The following NRXN1 variants were observed in gnomAD, a reference collection of about 807,000 sequenced individuals.
NRXN1 encodes the protein neurexin-1.
Under a neutral mutation model 150.9 loss-of-function variants are expected in NRXN1, and 39 were observed. The ratio of observed to expected loss-of-function variants is 0.26; its 90% CI spans 0.20 to 0.34. The LOEUF (loss-of-function observed/expected upper bound fraction) is 0.34, where lower values mean the gene tolerates loss of function less well. Ranked by LOEUF, NRXN1 falls within the 10% of genes least tolerant of loss-of-function variation. NRXN1 has a pLI of 1.00. For synonymous variants in NRXN1, 924 were observed against 757.0 expected, an observed-to-expected ratio of 1.22 and a Z score of -3.62; for missense variants, 1,815 against 1,949.9, an observed-to-expected ratio of 0.93 and a Z score of 1.30.
chr2:50,313,041 A>T (rs902926500), intron 17 of NRXN1, among the ~76,000 whole-genome samples: 3 of 152,120 alleles, frequency 2.0e-5, no homozygotes, highest in African/African-American at 7.2e-5. Flanking sequence ...TAACAACATT[A>T]TATATGGGTA....
chr2:50,492,134 G>A (rs1188302454), intron 15 of NRXN1, among the ~76,000 whole-genome samples: 1 of 152,094 alleles, frequency 6.6e-6, no homozygotes, highest in Non-Finnish European at 1.5e-5. Flanking sequence ...AAGAAGGCAG[G>A]GCTCAGAAGT....
At chr2:50,556,150 C>G (rs1668224764) in intron 8 of NRXN1, among the ~76,000 whole-genome samples, 1 of 152,144 alleles carries the variant, frequency 6.6e-6, no homozygotes, top group Admixed American at 6.5e-5. Flanking sequence ...CAGATTTACA[C>G]TACTATTTCA....
intron 8 of NRXN1, among the ~76,000 whole-genome samples, chr2:50,558,275 T>C (rs1312604948): frequency 5.9e-5 from 9 of 152,216 alleles, no homozygotes; most frequent in Non-Finnish European, 1.2e-4. Flanking sequence ...CTGCATGTCT[T>C]TCTTCATGAT....
At chr2:50,883,130 C>T (rs376762728) in intron 5 of NRXN1, among the ~76,000 whole-genome samples, 124 of 151,952 alleles carry the variant, frequency 8.2e-4, no homozygotes, top group African/African-American at 2.9e-3. Context: ...ACTGCTCTCT[C>T]TGAAAGTCTT....
intron 19 of NRXN1, among the ~76,000 whole-genome samples, chr2:50,059,218 G>A (rs1694107317): frequency 6.6e-6 from 1 of 152,116 alleles, no homozygotes; most frequent in South Asian, 2.1e-4. Context: ...CTGGAGCAAA[G>A]GAAATTATTG....
intron 17 of NRXN1, among the ~76,000 whole-genome samples, chr2:50,418,384 A>C (rs10204268): frequency 0.12 from 18,935 of 151,970 alleles, 1,661 homozygotes; most frequent in East Asian, 0.38. Context: ...CTCCCCCAAC[A>C]CACACAGCTG....
intron 5 of NRXN1, among the ~76,000 whole-genome samples, chr2:50,896,482 A>G (rs1440650408): frequency 6.6e-6 from 1 of 152,188 alleles, no homozygotes; most frequent in Non-Finnish European, 1.5e-5. Flanking sequence ...ATGGTTTTCT[A>G]AAAAATAAAC....
At chr2:49,993,220 A>G (rs1480810061) in intron 21 of NRXN1, among the ~76,000 whole-genome samples, 1 of 152,224 alleles carries the variant, frequency 6.6e-6, no homozygotes, top group African/African-American at 2.4e-5. Context: ...ATGGAATATT[A>G]ATCATTATTT....
At chr2:50,900,015 G>A (rs1267309151) in intron 5 of NRXN1, among the ~76,000 whole-genome samples, 2 of 152,056 alleles carry the variant, frequency 1.3e-5, no homozygotes, top group South Asian at 4.1e-4. Context: ...TATACCAAAA[G>A]GGATTTTTTT....
intron 2 of NRXN1, among the ~76,000 whole-genome samples, chr2:50,948,332 A>G (rs1211762593): frequency 1.3e-5 from 2 of 152,070 alleles, no homozygotes; most frequent in African/African-American, 4.8e-5. Flanking sequence ...CAAATGATAT[A>G]AGATATTGTT....
At chr2:49,949,109 A>G (rs1420472859) in intron 21 of NRXN1, among the ~76,000 whole-genome samples, 1 of 151,992 alleles carries the variant, frequency 6.6e-6, no homozygotes, top group East Asian at 1.9e-4. Flanking sequence ...ATATTTGAAC[A>G]CCAATATTTT....
intron 18 of NRXN1, among the ~76,000 whole-genome samples, chr2:50,226,116 A>G (rs2064348789): frequency 6.6e-6 from 1 of 152,030 alleles, no homozygotes; most frequent in African/African-American, 2.4e-5. Context: ...ACTGAGTTCA[A>G]CACTGGTTTT....
intron 19 of NRXN1, among the ~76,000 whole-genome samples, chr2:50,080,316 A>T (rs1162454276): frequency 6.6e-6 from 1 of 152,112 alleles, no homozygotes; most frequent in Admixed American, 6.5e-5. Flanking sequence ...TATCATGTCT[A>T]ATTTATACAT....
chr2:50,659,422 T>C (rs902884681), intron 5 of NRXN1, among the ~76,000 whole-genome samples: 1 of 151,926 alleles, frequency 6.6e-6, no homozygotes, highest in Non-Finnish European at 1.5e-5. Flanking sequence ...TAGTGAGAAA[T>C]TTTTGATCTA....
At chr2:50,089,770 G>C (rs978353398) in intron 19 of NRXN1, among the ~76,000 whole-genome samples, 3 of 148,316 alleles carry the variant, frequency 2.0e-5, no homozygotes, top group Non-Finnish European at 3.0e-5. Context: ...CTGGGCAAAA[G>C]AGTGAGACCT....
intron 18 of NRXN1, among the ~76,000 whole-genome samples, chr2:50,157,140 T>C: frequency 6.6e-6 from 1 of 151,964 alleles, no homozygotes; most frequent in East Asian, 1.9e-4. Flanking sequence ...TGCCTTCTGT[T>C]TTGCAATATG....
At chr2:50,338,611 A>T (rs2077342260) in intron 17 of NRXN1, among the ~76,000 whole-genome samples, 1 of 152,148 alleles carries the variant, frequency 6.6e-6, no homozygotes, top group Non-Finnish European at 1.5e-5. Context: ...TCATTCAATT[A>T]ACAAAGACAG....
intron 5 of NRXN1, among the ~76,000 whole-genome samples, chr2:50,880,823 A>T (rs151259455): frequency 6.6e-6 from 1 of 152,086 alleles, no homozygotes; most frequent in East Asian, 1.9e-4. Context: ...ATAATTCACA[A>T]CAAACATCAG....
chr2:50,787,857 G>A (rs903350609), intron 5 of NRXN1, among the ~76,000 whole-genome samples: 25 of 151,954 alleles, frequency 1.6e-4, no homozygotes, highest in Admixed American at 3.9e-4. Context: ...GGCTTTTTCA[G>A]TCCATGATTG....
Sources: gnomAD v4.1 joint callset for allele counts (sites outside exome capture counted in the v4.1 genomes callset) on GRCh38, gnomAD v4.1.1 for gene constraint, MANE v1.5 for transcripts, NCBI Gene and HGNC (gene_info 2026-07-23, HGNC 2026-07-21) for gene names.